Variants in GLRB observed in about 807,000 individuals in gnomAD.
GLRB encodes the protein glycine receptor beta.
A neutral mutation model predicts 54.2 loss-of-function variants in GLRB; 33 were observed. The ratio of observed to expected loss-of-function variants is 0.61; its 90% CI spans 0.46 to 0.81. GLRB has a LOEUF of 0.81. Among genes scored for constraint, GLRB ranks in the 40% least tolerant of loss-of-function variants. The pLI, the probability that GLRB is intolerant of heterozygous loss-of-function variation, is 0.00. For missense variants in GLRB, 572 were observed against 584.6 expected (o/e 0.98, Z 0.22); for synonymous variants, 209 against 208.2 (o/e 1.00, Z -0.03).
At chr4:157,150,087 T>A (rs893781897) in intron 8 of GLRB, among the ~76,000 whole-genome samples, 6 of 152,098 alleles carry the variant, frequency 3.9e-5, no homozygotes, top group African/African-American at 1.4e-4. Context: ...TCCATGTTGA[T>A]GAGCTAAATA....
chr4:157,144,235 C>T lies in GLRB; in HGVS notation c.904+276C>T, dbSNP rs139320737. The stretch of plus-strand genomic sequence containing the variant: ...AATAATTATTTATAAGTGATTTTCA[C>T]GGATAACTATGTCTAAAACCTTCGG... On this transcript the variant is annotated intron_variant, in intron 8 of 9. Transcript: ENST00000264428. 1.1e-3 allele frequency among the ~76,000 whole-genome samples: 174 copies of T among 152,224 alleles called. 1 individual carries two copies. The highest frequency in any genetic ancestry group is 6.8e-3 in the Middle Eastern group (2 of 294).
intron 7 of GLRB, among the ~76,000 whole-genome samples, chr4:157,140,824 A>C (rs1186720044): frequency 1.3e-5 from 2 of 151,954 alleles, no homozygotes; most frequent in African/African-American, 2.4e-5. Context: ...AATTTGAAGG[A>C]GACTCTATTG....
chr4:157,084,350 AC>A (rs1734331104), intron 2 of GLRB, among the ~76,000 whole-genome samples: 1 of 151,922 alleles, frequency 6.6e-6, no homozygotes. Flanking sequence ...TGGAAATCTC[AC>A]CTCTTTTCTC....
intron 4 of GLRB, among the ~76,000 whole-genome samples, chr4:157,123,379 A>G (rs1350330228): frequency 6.6e-6 from 1 of 151,800 alleles, no homozygotes; most frequent in African/African-American, 2.4e-5. Context: ...AGCATAGTAC[A>G]TTATAAAAGC....
chr4:157,150,114 G>A (rs1220964615), intron 8 of GLRB, among the ~76,000 whole-genome samples: 2 of 151,878 alleles, frequency 1.3e-5, no homozygotes, highest in Non-Finnish European at 2.9e-5. Flanking sequence ...ACCCTGACTT[G>A]TTTATGGAAG....
At chr4:157,123,408 A>G (rs1735904251) in intron 4 of GLRB, among the ~76,000 whole-genome samples, 1 of 151,914 alleles carries the variant, frequency 6.6e-6, no homozygotes, top group Non-Finnish European at 1.5e-5. Flanking sequence ...ATTGCATTTA[A>G]TTAATGACAC....
intron 4 of GLRB, 69 bp from the exon 5 acceptor site, chr4:157,136,400 T>C: frequency 2.2e-6 from 2 of 897,286 alleles, no homozygotes; most frequent in Admixed American, 3.8e-5. Context: ...CCTTTTTGTT[T>C]TGGGGCCGAA....
intron 2 of GLRB, chr4:157,084,566 G>GA: frequency 2.2e-6 from 1 of 455,772 alleles, no homozygotes; most frequent in South Asian, 1.5e-5. Context: ...TGTGTGTTGA[G>GA]AAAATGTGAT....
At chr4:157,164,702 C>T (rs558018357) in intron 9 of GLRB, among the ~76,000 whole-genome samples, 1 of 152,228 alleles carries the variant, frequency 6.6e-6, no homozygotes, top group South Asian at 2.1e-4. Context: ...ATACCTTAAT[C>T]TATTCCATCA....
chr4:157,140,711 C>T (rs1405451394), intron 7 of GLRB, among the ~76,000 whole-genome samples: 2 of 151,778 alleles, frequency 1.3e-5, no homozygotes, highest in African/African-American at 4.8e-5. Flanking sequence ...TACTGTTATA[C>T]GATTAATACC....
chr4:157,098,403 T>C (rs1347314009), intron 2 of GLRB, among the ~76,000 whole-genome samples: 1 of 152,152 alleles, frequency 6.6e-6, no homozygotes, highest in African/African-American at 2.4e-5. Context: ...TAAGATCTAT[T>C]AGCCTCTCCA....
intron 8 of GLRB, 57 bp from the exon 9 acceptor site, chr4:157,152,661 C>A: frequency 7.4e-7 from 1 of 1,344,656 alleles, no homozygotes; most frequent in South Asian, 1.2e-5. Flanking sequence ...GAGTAATGAC[C>A]CCAGAACATC....
intron 2 of GLRB, among the ~76,000 whole-genome samples, chr4:157,090,628 A>T (rs533064584): frequency 6.6e-6 from 1 of 152,324 alleles, no homozygotes; most frequent in East Asian, 1.9e-4. Flanking sequence ...AGATCATTGA[A>T]CATTTTGTCC....
chr4:157,151,029 C>G (rs1238173839), intron 8 of GLRB, among the ~76,000 whole-genome samples: 2 of 152,048 alleles, frequency 1.3e-5, no homozygotes. Flanking sequence ...CACTACAGAA[C>G]TCTGAAGGCC....
chr4:157,107,513 C>T (rs76774029), intron 2 of GLRB, among the ~76,000 whole-genome samples: 1 of 152,020 alleles, frequency 6.6e-6, no homozygotes, highest in African/African-American at 2.4e-5. Flanking sequence ...AGATAGAAGA[C>T]CAAATGACCT....
At chr4:157,110,334 T>C (rs1735372124) in intron 2 of GLRB, among the ~76,000 whole-genome samples, 1 of 151,954 alleles carries the variant, frequency 6.6e-6, no homozygotes, top group Non-Finnish European at 1.5e-5. Flanking sequence ...TTTTCTTCAC[T>C]CTTTTGTTTT....
chr4:157,138,983 A>C, intron 7 of GLRB, 34 bp downstream of exon 7: 1 of 1,165,994 alleles, frequency 8.6e-7, no homozygotes, highest in Non-Finnish European at 1.3e-6. Context: ...ACGAAGTTCT[A>C]TTTCAAAGAT....
intron 4 of GLRB, among the ~76,000 whole-genome samples, chr4:157,132,860 CACA>C (rs1261592744): frequency 1.3e-5 from 2 of 151,936 alleles, no homozygotes; most frequent in East Asian, 1.9e-4. Flanking sequence ...AAGTAGTCCA[CACA>C]ACAAGTTTGC....
intron 2 of GLRB, among the ~76,000 whole-genome samples, chr4:157,104,931 C>A (rs1157749968): frequency 6.6e-6 from 1 of 151,574 alleles, no homozygotes; most frequent in Non-Finnish European, 1.5e-5. Flanking sequence ...TTGATTTCTT[C>A]TTTTGATTTT....
Sources: allele counts gnomAD v4.1 joint callset (sites outside exome capture counted in the v4.1 genomes callset), GRCh38; gene constraint gnomAD v4.1.1; transcripts MANE v1.5; gene names NCBI Gene and HGNC (gene_info 2026-07-23, HGNC 2026-07-21).